Variants in LRRC9 observed in about 807,000 individuals in gnomAD.
The protein encoded by LRRC9 is leucine rich repeat containing 9.
A neutral mutation model predicts 63.2 loss-of-function variants in LRRC9; 122 were observed. The ratio of observed to expected loss-of-function variants is 1.93; its 90% confidence interval spans 1.67 to 2.24. LRRC9 has a LOEUF of 2.24. LRRC9 is among the 30% of genes most tolerant of loss of function. The probability of loss-of-function intolerance (pLI) is 0.00; values close to 1 mark genes in which losing one functional copy is unlikely to be tolerated. For missense variants in LRRC9, 1,071 were observed against 627.7 expected (o/e 1.71, Z -7.55); for synonymous variants, 366 against 213.1 (o/e 1.72, Z -6.25).
intron 23 of LRRC9, 108 bp from the exon 24 acceptor site, chr14:60,016,552 G>C: frequency 1.7e-6 from 1 of 571,538 alleles, no homozygotes; most frequent in Non-Finnish European, 3.2e-6. Context: ...CTACTTAGTA[G>C]GAGGAATCTG....
Position 59,966,716 on chromosome 14 carries a change from G to A in LRRC9, c.1339G>A (p.Glu447Lys), listed in dbSNP as rs1404603402. Residue 447 changes from glutamate (E) to lysine (K), a missense_variant, in exon 11 of 32, where the codon GAA becomes AAA. Glu to Lys is a moderately conservative substitution (Grantham distance 56). Coordinates refer to ENST00000445360, the Ensembl canonical transcript of LRRC9. This position sits in a 1 kb window ranked among gnomAD's most constrained non-coding sequence, Gnocchi z 4.0. ...CAACCGTATTCTGAGACTAAAATTC[G>A]AAGAGAAATTTCAAAAGTTTTTGGA... is the stretch of plus-strand genomic sequence containing the variant. 2 of 686,164 alleles carry A rather than the reference G, an allele frequency of 2.9e-6. No homozygotes were observed. Among genetic ancestry groups the A allele is most frequent in the Non-Finnish European group, 5.3e-6 (2 of 376,982 alleles). The allele number at this position is 686,164 out of a possible 1,614,324, so 42.5% of individuals were successfully genotyped here.
intron 30 of LRRC9, among the ~76,000 whole-genome samples, chr14:60,056,543 T>A (rs1039645066): frequency 1.6e-4 from 24 of 152,216 alleles, no homozygotes; most frequent in African/African-American, 5.8e-4. Flanking sequence ...TATAATGTCA[T>A]CTTGAGTTAT....
intron 29 of LRRC9, among the ~76,000 whole-genome samples, chr14:60,044,251 T>A (rs1370467506): frequency 6.6e-6 from 1 of 152,060 alleles, no homozygotes; most frequent in Non-Finnish European, 1.5e-5. Context: ...AAAAGCAACT[T>A]TTTGTTTTGT....
intron 29 of LRRC9, among the ~76,000 whole-genome samples, chr14:60,033,213 A>G (rs1330869924): frequency 6.6e-6 from 1 of 151,854 alleles, no homozygotes; most frequent in Middle Eastern, 3.2e-3. Flanking sequence ...TTTAATTCTA[A>G]TGGTTTGTAA....
At position 60,051,674 on chromosome 14, in the gene LRRC9, C is replaced by A. The variant is rs1393222764; in HGVS notation, c.3991-1391C>A. On this transcript the variant is annotated intron_variant, in intron 29 of 31. Coordinates refer to ENST00000445360, the Ensembl canonical transcript of LRRC9. This position sits in a 1 kb window ranked among gnomAD's most constrained non-coding sequence, Gnocchi z 4.7. ...TTGGCTCCCTGGATTCAACCCCCTT[C>A]CTAGGGGAATGTACAGACAGATCTA... Among the ~76,000 whole-genome samples the A allele has an allele frequency of 6.6e-6, 1 of 152,164 alleles. No individual in the cohort carries two copies. The highest frequency in any genetic ancestry group is 6.5e-5 in the Admixed American group (1 of 15,288).
At chr14:59,999,714 T>A (rs1889160819) in intron 19 of LRRC9, among the ~76,000 whole-genome samples, 1 of 152,116 alleles carries the variant, frequency 6.6e-6, no homozygotes, top group Non-Finnish European at 1.5e-5. Context: ...AGCTTCAACA[T>A]CCTAAATATA....
intron 21 of LRRC9, among the ~76,000 whole-genome samples, chr14:60,005,624 T>C (rs556956143): frequency 6.6e-6 from 1 of 152,242 alleles, no homozygotes; most frequent in South Asian, 2.1e-4. Context: ...TAGGAACTGA[T>C]GTGAAAGGGG....
chr14:59,992,947 A>T (rs932756963), intron 17 of LRRC9, among the ~76,000 whole-genome samples: 23 of 152,196 alleles, frequency 1.5e-4, no homozygotes, highest in Non-Finnish European at 2.6e-4. Context: ...AATTCAGGAA[A>T]TACAGAGAAC....
intron 30 of LRRC9, among the ~76,000 whole-genome samples, chr14:60,054,428 G>T (rs1894124816): frequency 6.6e-6 from 1 of 151,996 alleles, no homozygotes; most frequent in African/African-American, 2.4e-5. Flanking sequence ...TCCCCCATAG[G>T]TTCAAATTAG....
At chr14:60,008,795 T>C (rs531667519) in intron 23 of LRRC9, among the ~76,000 whole-genome samples, 4 of 152,280 alleles carry the variant, frequency 2.6e-5, no homozygotes, top group South Asian at 4.1e-4. Flanking sequence ...AGGTTTATGG[T>C]GTAATGTTGC....
rs913505121 is a variant in LRRC9, at chr14:60,003,780, T to C, written c.2824T>C (p.Cys942Arg). 4.9e-5 allele frequency: 30 copies of C among 616,796 alleles called. No individual in the cohort carries two copies. The highest frequency in any genetic ancestry group is 7.2e-5 in the Non-Finnish European group (25 of 349,186). 38.2% of individuals were successfully genotyped at this position (616,796 alleles called of 1,614,324 possible). The stretch of plus-strand genomic sequence containing the variant: ...GGAAGAGCTCACATTAGATGGAAAC[T>C]GCATCTCAAAGATAGAAGGTAAGGT... The change falls in exon 21 of 32, where the codon TGC becomes CGC. Residue 942 changes from cysteine (C) to arginine (R), a missense_variant. By Grantham distance (180) the Cys-to-Arg change is radical. Coordinates refer to ENST00000445360, the Ensembl canonical transcript of LRRC9. The surrounding 1 kb of genome is among the most constrained non-coding windows in gnomAD (Gnocchi z 4.2).
exon 26 of LRRC9, chr14:60,019,207 C>T (rs1417241415): frequency 7.1e-6 from 5 of 699,926 alleles, no homozygotes; most frequent in Non-Finnish European, 1.3e-5. Flanking sequence ...AACTACTGTA[C>T]CAGAAAGTGC....
In LRRC9 at chr14:60,058,208, A is replaced by C. The variant is rs1894421409; in HGVS notation, c.4276+186A>C. ...TTATAGTTTTATTATTTTTAGTTTT[A>C]TTATAGCTTTTTTTGTACTCAGCTA... On this transcript the variant is annotated intron_variant, in intron 31 of 31. Coordinates refer to ENST00000445360, the Ensembl canonical transcript of LRRC9. The surrounding 1 kb of genome is among the most constrained non-coding windows in gnomAD (Gnocchi z 4.4). Among the ~76,000 whole-genome samples, 1 of 152,124 alleles carries C rather than the reference A, an allele frequency of 6.6e-6. No homozygotes were observed. The highest frequency in any genetic ancestry group is 2.1e-4 in the South Asian group (1 of 4,830).
chr14:60,005,631 G>T (rs1454816599), intron 21 of LRRC9, among the ~76,000 whole-genome samples: 1 of 152,180 alleles, frequency 6.6e-6, no homozygotes, highest in South Asian at 2.1e-4. Context: ...TGATGTGAAA[G>T]GGGAGCACAG....
intron 26 of LRRC9, among the ~76,000 whole-genome samples, chr14:60,022,261 G>T (rs1037088205): frequency 8.6e-5 from 13 of 151,802 alleles, no homozygotes; most frequent in African/African-American, 2.4e-4. Context: ...TTTGTGAAAA[G>T]AATTTTTGCT....
intron 16 of LRRC9, among the ~76,000 whole-genome samples, chr14:59,983,134 C>A (rs913973016): frequency 1.3e-5 from 2 of 152,226 alleles, no homozygotes; most frequent in East Asian, 3.8e-4. Flanking sequence ...CCCCAGCCTT[C>A]CAACCAGACT....
chr14:60,039,200 A>G (rs1047580779), intron 29 of LRRC9, among the ~76,000 whole-genome samples: 2 of 152,180 alleles, frequency 1.3e-5, no homozygotes, highest in Non-Finnish European at 2.9e-5. Flanking sequence ...ATCAATGTTC[A>G]TCAGGGATAT....
rs1465844874 is a variant in LRRC9 at position 60,027,852 on chromosome 14, C to T, written c.3704-32C>T. ...TCCTTTACTTCAGGAAGTTTGGGCT[C>T]ACTTGATATATCATGACTTATCTCT... On this transcript the variant is annotated intron_variant, in intron 27 of 31. Transcript: ENST00000445360. This position sits in a 1 kb window ranked among gnomAD's most constrained non-coding sequence, Gnocchi z 4.0. 2 of 639,124 alleles carry T rather than the reference C, an allele frequency of 3.1e-6. No homozygotes were observed. The highest frequency in any genetic ancestry group is 1.8e-5 in the South Asian group (1 of 56,724). The allele number at this position is 639,124 out of a possible 1,614,324, so 39.6% of individuals were successfully genotyped here. A position where few individuals can be genotyped will look rare whatever the true frequency, so the allele number is the denominator to read the frequency against.
chr14:59,991,698 C>T (rs958166024), intron 17 of LRRC9, among the ~76,000 whole-genome samples: 5 of 152,180 alleles, frequency 3.3e-5, no homozygotes, highest in Non-Finnish European at 7.3e-5. Context: ...GGGTCCTACG[C>T]CCATGGAGCC....
Sources: allele counts gnomAD v4.1 joint callset (sites outside exome capture counted in the v4.1 genomes callset), GRCh38; gene constraint gnomAD v4.1.1; non-coding constraint Gnocchi (gnomAD v3.1); transcripts MANE v1.5; gene names NCBI Gene and HGNC (gene_info 2026-07-23, HGNC 2026-07-21).